RPN2: variants seen among roughly 807,000 people sequenced by gnomAD.
RPN2 encodes the protein dolichyl-diphosphooligosaccharide--protein glycosyltransferase subunit 2.
RPN2 carries 29 observed loss-of-function variants against 71.4 expected under a neutral mutation model. The observed-to-expected ratio is 0.41, with a 90% CI of 0.30 to 0.55. The LOEUF (loss-of-function observed/expected upper bound fraction) is 0.55. Ranked by LOEUF, RPN2 falls within the 20% of genes least tolerant of loss-of-function variation. The pLI is 0.35. For missense variants in RPN2, 726 were observed against 774.1 expected, an observed-to-expected ratio of 0.94 and a Z score of 0.74; for synonymous variants, 308 against 305.0, an observed-to-expected ratio of 1.01 and a Z score of -0.10.
In RPN2 at chr20:37,210,161, G is replaced by A. The variant is rs1243155906; in HGVS notation, c.982G>A (p.Val328Ile). ...TVLQKTSFTP[V>I]GDVFELNFMN... Reference sequence around the variant, plus strand: ...CCTCCAGAAGACATCCTTCACCCCTGTAGGGTAAGTCCTGATCATATTTTG... The same window carrying A: ...CCTCCAGAAGACATCCTTCACCCCTATAGGGTAAGTCCTGATCATATTTTG... Residue 328 changes from valine to isoleucine, a missense_variant, in exon 8 of 17, where the codon GTA (valine) becomes ATA (isoleucine). Physicochemically the swap from Val to Ile is conservative, Grantham distance 29. Coordinates refer to ENST00000237530, the MANE Select transcript of RPN2 (RefSeq NM_002951.5). The A allele has an allele frequency of 3.1e-6, 5 of 1,613,890 alleles. No individual in the cohort carries two copies. The highest frequency in any genetic ancestry group is 1.1e-5 in the South Asian group (1 of 91,086).
At position 37,189,311 on chromosome 20, in the gene RPN2, CTGTGTGTGTGTATGTGTG is replaced by C. The variant is rs1191782809; in HGVS notation, c.207+4950_207+4967del. ...GTTCCATTTTTGCCAATGGGCCAAA[CTGTGTGTGTGTATGTGTG>C]TGTGTGTGTGTGTGTGTGTGTGTGT... is the stretch of plus-strand genomic sequence containing the variant. On this transcript the variant is annotated intron_variant, in intron 2 of 16. Transcript: ENST00000237530. 2.3e-4 allele frequency among the ~76,000 whole-genome samples: 26 copies of C among 115,292 alleles called. No homozygotes were observed. In the East Asian group the frequency reaches 2.5e-3, roughly 11 times the overall value. 75.6% of individuals were successfully genotyped at this position (115,292 alleles called of 152,430 possible).
rs112357279 is a variant in RPN2 at position 37,212,025 on chromosome 20, C to T, written c.987-1735C>T. Among the ~76,000 whole-genome samples, 1,099 of 152,260 alleles carry T rather than the reference C, an allele frequency of 7.2e-3. 15 individuals are homozygous for T. Among genetic ancestry groups the T allele is most frequent in the African/African-American group, 0.025 (1,049 of 41,550 alleles). On this transcript the variant is annotated intron_variant, in intron 8 of 16. Transcript: ENST00000237530. Reference sequence around the variant, plus strand: ...ACCTCAGGTGATCCTCCCACCTCAGCCTCCAAAGTGCTGGGATTACAGTTG... The same window carrying T: ...ACCTCAGGTGATCCTCCCACCTCAGTCTCCAAAGTGCTGGGATTACAGTTG...
intron 1 of RPN2, chr20:37,179,604 G>A (rs551457200): frequency 6.4e-6 from 7 of 1,101,090 alleles, no homozygotes; most frequent in Middle Eastern, 2.9e-4. Context: ...GGAGCTACGG[G>A]TCGCCCCGAG....
At chr20:37,216,123 G>A (rs2092133007) in intron 9 of RPN2, among the ~76,000 whole-genome samples, 1 of 152,192 alleles carries the variant, frequency 6.6e-6, no homozygotes, top group South Asian at 2.1e-4. Flanking sequence ...CGGATCACCT[G>A]AGGTCAGGAG....
chr20:37,238,449 G>A (rs981854576), intron 16 of RPN2: 5 of 1,603,510 alleles, frequency 3.1e-6, no homozygotes, highest in Admixed American at 1.7e-5. Flanking sequence ...AGGACACTAC[G>A]GTAAAGATGA....
Position 37,192,840 on chromosome 20 carries a change from T to C in RPN2, c.208-5557T>C, listed in dbSNP as rs529871011. ...AGGAAATCTCCGAATTTAAATCTCA[T>C]TGTGGGCTGAGTGTGTTGGCTCACA... On this transcript the variant is annotated intron_variant, in intron 2 of 16. Transcript: ENST00000237530. Among the ~76,000 whole-genome samples, 8 of 152,230 alleles carry C rather than the reference T, an allele frequency of 5.3e-5. 1 individual carries two copies. The highest frequency in any genetic ancestry group is 9.6e-5 in the African/African-American group (4 of 41,530).
chr20:37,207,073 GA>G (rs544315495), intron 6 of RPN2, among the ~76,000 whole-genome samples, 199 bp from the exon 7 acceptor site: 11 of 150,396 alleles, frequency 7.3e-5, no homozygotes, highest in Middle Eastern at 6.8e-3. Flanking sequence ...AAGGAAGATG[GA>G]AAAAAAAACA....
rs976035332 is a variant in RPN2 at position 37,225,776 on chromosome 20, A to G, written c.1273A>G (p.Thr425Ala). The G allele has an allele frequency of 1.9e-6, 3 of 1,613,768 alleles. No individual in the cohort carries two copies. The highest frequency in any genetic ancestry group is 1.1e-5 in the South Asian group (1 of 91,070). Residue 425 changes from threonine (T) to alanine (A), a missense_variant, in exon 11 of 17, where the codon ACT (threonine) becomes GCT (alanine). Thr to Ala is a moderately conservative substitution (Grantham distance 58, BLOSUM62 0). Coordinates refer to ENST00000237530, the MANE Select transcript of RPN2 (RefSeq NM_002951.5). ...ALFFQLVDVNTGAELTPHQTF... is the reference protein window; with the variant it reads ...ALFFQLVDVNAGAELTPHQTF... ...GTTCTTCCAGCTGGTAGATGTGAAC[A>G]CTGGTGCTGAACTCACTCCTCACCA... is the stretch of plus-strand genomic sequence containing the variant.
chr20:37,225,771 T>G lies in RPN2; in HGVS notation c.1268T>G (p.Val423Gly). The G allele has an allele frequency of 1.2e-6, 2 of 1,613,884 alleles. No individual in the cohort carries two copies. Among genetic ancestry groups the G allele is most frequent in the Non-Finnish European group, 1.7e-6 (2 of 1,179,774 alleles). Reference protein sequence around the residue: ...NFALFFQLVDVNTGAELTPHQ... With the variant: ...NFALFFQLVDGNTGAELTPHQ... ...GCCTTGTTCTTCCAGCTGGTAGATG[T>G]GAACACTGGTGCTGAACTCACTCCT... Residue 423 changes from valine to glycine, a missense_variant, in exon 11 of 17, where the codon GTG (valine) becomes GGG (glycine). Transcript: ENST00000237530.
At chr20:37,208,235 A>G (rs958286886) in intron 7 of RPN2, among the ~76,000 whole-genome samples, 2 of 149,804 alleles carry the variant, frequency 1.3e-5, no homozygotes, top group Non-Finnish European at 3.0e-5. Context: ...GCACCACTGC[A>G]CTCCAACCTG....
At chr20:37,187,998 A>AT (rs1335636159) in intron 2 of RPN2, among the ~76,000 whole-genome samples, 4 of 150,864 alleles carry the variant, frequency 2.7e-5, no homozygotes, top group East Asian at 1.9e-4. Flanking sequence ...TTCAGATCTA[A>AT]TTTTTTTTTA....
chr20:37,208,324 A>T (rs1010656572), intron 7 of RPN2, among the ~76,000 whole-genome samples: 4 of 151,136 alleles, frequency 2.6e-5, no homozygotes, highest in Non-Finnish European at 5.9e-5. Context: ...TTGCATTTCT[A>T]GGTCTATAAC....
In RPN2 at chr20:37,192,549, A is replaced by G. The variant is rs191161960; in HGVS notation, c.208-5848A>G. ...TGCAGGCTTCATTTGGTCACTCAGC[A>G]AATATATAGTGAGTTTCTGCTGTGC... On this transcript the variant is annotated intron_variant, in intron 2 of 16. Coordinates refer to ENST00000237530, the MANE Select transcript of RPN2 (RefSeq NM_002951.5). Among the ~76,000 whole-genome samples, 35 of 152,318 alleles carry G rather than the reference A, an allele frequency of 2.3e-4. No homozygotes were observed. In the East Asian group the frequency reaches 6.4e-3, roughly 28 times the overall value.
At chr20:37,187,766 AAGT>A (rs1241884050) in intron 2 of RPN2, among the ~76,000 whole-genome samples, 1 of 151,536 alleles carries the variant, frequency 6.6e-6, no homozygotes, top group Non-Finnish European at 1.5e-5. Context: ...TCAGCCTCCT[AAGT>A]AGCTGGGATT....
intron 1 of RPN2, chr20:37,179,595 G>A (rs917306949): frequency 1.1e-5 from 13 of 1,181,348 alleles, no homozygotes; most frequent in Non-Finnish European, 5.6e-6. Context: ...GTGCAGCGCG[G>A]AGCTACGGGT....
intron 12 of RPN2, among the ~76,000 whole-genome samples, chr20:37,229,358 A>G (rs992342518): frequency 2.6e-5 from 4 of 152,130 alleles, no homozygotes; most frequent in Non-Finnish European, 4.4e-5. Flanking sequence ...TGGGGTGATC[A>G]TTGGGGAAGG....
intron 11 of RPN2, 96 bp downstream of exon 11, chr20:37,225,898 C>A: frequency 1.1e-6 from 1 of 874,840 alleles, no homozygotes; most frequent in Non-Finnish European, 1.9e-6. Context: ...GAGAATTCCA[C>A]GTTCCTGCTT....
In RPN2 at chr20:37,210,528, C is replaced by CT. The variant is rs10566074; in HGVS notation, c.986+382dup. Among the ~76,000 whole-genome samples the CT allele has an allele frequency of 4.0e-4, 47 of 118,916 alleles. No homozygotes were observed. In the South Asian group the frequency reaches 5.4e-3, roughly 14 times the overall value. The allele number at this position is 118,916 out of a possible 152,430, so 78.0% of individuals were successfully genotyped here. A position where few individuals can be genotyped will look rare whatever the true frequency, so the allele number is the denominator to read the frequency against. On this transcript the variant is annotated intron_variant, in intron 8 of 16. Transcript: ENST00000237530. ...ACCATTCAGAGATAACTTTTGCTAA[C>CT]TTTTTTTTTTTTTTTTTTTGAGGCG... is the stretch of plus-strand genomic sequence containing the variant.
chr20:37,222,892 G>A (rs1311317173), intron 9 of RPN2, among the ~76,000 whole-genome samples: 1 of 152,192 alleles, frequency 6.6e-6, no homozygotes. Flanking sequence ...TCTTTGTGAA[G>A]ATGTTTAAGG....
Sources: allele counts gnomAD v4.1 joint callset (sites outside exome capture counted in the v4.1 genomes callset), GRCh38; gene constraint gnomAD v4.1.1; transcripts MANE v1.5; gene names NCBI Gene and HGNC (gene_info 2026-07-23, HGNC 2026-07-21).